VNN2: variants seen among roughly 807,000 people sequenced by gnomAD.
VNN2 encodes the protein vanin 2.
VNN2 carries 43 observed loss-of-function variants against 43.0 expected under a neutral mutation model. The ratio of observed to expected loss-of-function variants is 1.00; its 90% CI spans 0.78 to 1.29. The LOEUF (loss-of-function observed/expected upper bound fraction) is 1.29, where lower values mean the gene tolerates loss of function less well. Among genes scored for constraint, VNN2 ranks in the 50% most tolerant of loss-of-function variants. The pLI is 0.00. For missense variants in VNN2, 652 were observed against 619.7 expected (o/e 1.05, Z -0.55); for synonymous variants, 230 against 224.3 (o/e 1.03, Z -0.23).
chr6:132,752,838 G>T (rs1254506301), intron 3 of VNN2, 89 bp from the exon 4 acceptor site: 4 of 1,435,932 alleles, frequency 2.8e-6, no homozygotes, highest in Non-Finnish European at 3.8e-6. Flanking sequence ...AACAGATTTG[G>T]CTATGGTCAA....
At chr6:132,749,908 A>G (rs1035438025) in intron 5 of VNN2, 43 bp from the exon 6 acceptor site, 1 of 1,547,764 alleles carries the variant, frequency 6.5e-7, no homozygotes, top group Middle Eastern at 1.7e-4. Context: ...CCTTACATTG[A>G]AGTTACTCAT....
At chr6:132,752,281 T>C (rs1407655135) in intron 4 of VNN2, among the ~76,000 whole-genome samples, 180 bp downstream of exon 4, 1 of 152,194 alleles carries the variant, frequency 6.6e-6, no homozygotes, top group Non-Finnish European at 1.5e-5. Context: ...ATAATACACA[T>C]AAAGGTCTTA....
intron 4 of VNN2, 22 bp downstream of exon 4, chr6:132,752,439 A>G (rs1320290423): frequency 1.9e-6 from 3 of 1,599,818 alleles, no homozygotes; most frequent in East Asian, 2.2e-5. Flanking sequence ...ATAAGATGAA[A>G]CCTAACCTGG....
At position 132,751,208 on chromosome 6, in the gene VNN2, A is replaced by G. The variant is rs778604664; in HGVS notation, c.1137T>C (p.Asn379=). ...TAAAAGCTCCTAGAACGTATACTTCATTCTCTTCTTTTTGTAACATTCTGT... is the reference window on the plus strand; with the variant it reads ...TAAAAGCTCCTAGAACGTATACTTCGTTCTCTTCTTTTTGTAACATTCTGT... ...LSYRMLQKEE[N]EVYVLGAFTG... The change falls in exon 5 of 7, where the codon AAT becomes AAC. Residue 379 remains asparagine, a synonymous_variant. Transcript: ENST00000326499. The G allele has an allele frequency of 1.9e-6, 3 of 1,614,018 alleles. No individual in the cohort carries two copies. Among genetic ancestry groups the G allele is most frequent in the Admixed American group, 3.3e-5 (2 of 59,986 alleles).
chr6:132,753,026 C>T lies in VNN2; in HGVS notation c.538-277G>A, dbSNP rs1397533407. ...ATACCCCCCCATAAACCCCAAAGTC[C>T]GTAAGCTTTTTTTAAATTTAATTTA... On this transcript the variant is annotated intron_variant, in intron 3 of 6. Transcript: ENST00000326499. 2.4e-5 allele frequency: 8 copies of T among 338,200 alleles called. No individual in the cohort carries two copies. The East Asian group carries it at 2.6e-4, about 11-fold the overall frequency. 20.9% of individuals were successfully genotyped at this position (338,200 alleles called of 1,614,324 possible).
In VNN2 at chr6:132,749,734, C is replaced by T; in HGVS notation, c.1332G>A (p.Val444=). The T allele has an allele frequency of 1.2e-6, 2 of 1,613,472 alleles. No individual in the cohort carries two copies. Among genetic ancestry groups the T allele is most frequent in the Middle Eastern group, 1.7e-4 (1 of 6,054 alleles). Reference sequence around the variant, plus strand: ...GTGACAGATGAATTTCGGTAAGTAGCACTTCAGGAAAAACATACTCTGTTC... The same window carrying T: ...GTGACAGATGAATTTCGGTAAGTAGTACTTCAGGAAAAACATACTCTGTTC... ...TFGTEYVFPE[V]LLTEIHLSPG... is the part of the protein sequence containing the mutation. The change falls in exon 6 of 7, where the codon GTG becomes GTA. Residue 444 remains valine (V), a synonymous_variant. Transcript: ENST00000326499.
Position 132,752,486 on chromosome 6 carries a change from T to G in VNN2, c.801A>C (p.Thr267=). 6.2e-7 allele frequency: 1 copy of G among 1,613,994 alleles called. No individual in the cohort carries two copies. Among genetic ancestry groups the G allele is most frequent in the South Asian group, 1.1e-5 (1 of 91,068 alleles). The change falls in exon 4 of 7, where the codon ACA becomes ACC. Residue 267 remains threonine (T), a synonymous_variant. Transcript: ENST00000326499. ...CTGTCATATTTAGGCTGACATGATG[T>G]GTGTTGGCCACAAGAAGATTAACTC... ...GMGVNLLVAN[T]HHVSLNMTGS...
chr6:132,752,463 G>A lies in VNN2; in HGVS notation c.824C>T (p.Thr275Ile). 1 of 1,611,882 alleles carries A rather than the reference G, an allele frequency of 6.2e-7. No individual in the cohort carries two copies. The highest frequency in any genetic ancestry group is 8.5e-7 in the Non-Finnish European group (1 of 1,178,720). The change falls in exon 4 of 7, where the codon ACA (threonine) becomes ATA (isoleucine). Residue 275 changes from threonine to isoleucine, a missense_variant and splice_region_variant. Transcript: ENST00000326499. ...AACCTAACCTGGTCATGAATTACCT[G>A]TCATATTTAGGCTGACATGATGTGT... Reference protein sequence around the residue: ...ANTHHVSLNMTGSGIYAPNGP... With the variant: ...ANTHHVSLNMIGSGIYAPNGP...
intron 5 of VNN2, 150 bp downstream of exon 5, chr6:132,750,995 C>G: frequency 1.2e-6 from 1 of 852,782 alleles, no homozygotes; most frequent in Non-Finnish European, 1.8e-6. Flanking sequence ...CATAAATGCA[C>G]GTGTGTGTGT....
chr6:132,761,684 C>T (rs73548506), upstream of VNN2, among the ~76,000 whole-genome samples: 6,447 of 152,066 alleles, frequency 0.042, 233 homozygotes, highest in African/African-American at 0.091. Context: ...AGCAAATAAA[C>T]GAAAAACAGT....
chr6:132,752,698 C>CACTTT lies in VNN2; in HGVS notation c.588_589insAAAGT (p.Val197LysfsTer3). 6.2e-7 allele frequency: 1 copy of CACTTT among 1,614,146 alleles called. No individual in the cohort carries two copies. The highest frequency in any genetic ancestry group is 1.1e-5 in the South Asian group (1 of 91,086). ...CTTCCAAATGCGGTGTTGAAAGTCA[C>CACTTT]CAACTCCGGCTTTTCAGGGACATTA... is the stretch of plus-strand genomic sequence containing the variant. On this transcript the variant is annotated frameshift_variant, in exon 4 of 7. Transcript: ENST00000326499. LOFTEE classifies it high-confidence loss of function.
intron 3 of VNN2, chr6:132,753,620 C>G: frequency 3.4e-6 from 1 of 294,102 alleles, no homozygotes; most frequent in South Asian, 2.9e-5. Context: ...GAAAAAATAT[C>G]TAAAAAATAG....
intron 3 of VNN2, chr6:132,753,118 C>T: frequency 5.0e-6 from 1 of 200,188 alleles, no homozygotes; most frequent in Non-Finnish European, 1.0e-5. Context: ...ATGATTTCGG[C>T]TCACTGCAAT....
chr6:132,757,356 G>A (rs1486587856), intron 2 of VNN2, 60 bp downstream of exon 2: 1 of 1,524,324 alleles, frequency 6.6e-7, no homozygotes, highest in African/African-American at 1.4e-5. Flanking sequence ...ATTTTGCTTT[G>A]GTGAACGTGC....
chr6:132,751,205 T>G lies in VNN2; in HGVS notation c.1140A>C (p.Glu380Asp). Residue 380 changes from glutamate to aspartate, a missense_variant, in exon 5 of 7, where the codon GAA (glutamate) becomes GAC (aspartate). By Grantham distance (45) the Glu-to-Asp change is conservative. Transcript: ENST00000326499. The stretch of plus-strand genomic sequence containing the variant: ...CTGTAAAAGCTCCTAGAACGTATAC[T>G]TCATTCTCTTCTTTTTGTAACATTC... ...SYRMLQKEEN[E>D]VYVLGAFTGL... 1.2e-6 allele frequency: 2 copies of G among 1,614,160 alleles called. No homozygotes were observed. Among genetic ancestry groups the G allele is most frequent in the Non-Finnish European group, 1.7e-6 (2 of 1,180,026 alleles).
At chr6:132,748,469 T>C (rs1779855040) in intron 6 of VNN2, among the ~76,000 whole-genome samples, 1 of 152,218 alleles carries the variant, frequency 6.6e-6, no homozygotes, top group Admixed American at 6.5e-5. Context: ...ACACAGCAGA[T>C]ACAGATACAT....
chr6:132,761,447 G>A (rs1780737002), upstream of VNN2, among the ~76,000 whole-genome samples: 1 of 151,448 alleles, frequency 6.6e-6, no homozygotes. Context: ...ATTATTTGAG[G>A]TCAGGAGTTC....
chr6:132,748,154 T>C (rs1465543845), intron 6 of VNN2, among the ~76,000 whole-genome samples: 1 of 152,232 alleles, frequency 6.6e-6, no homozygotes, highest in East Asian at 1.9e-4. Context: ...TTGGTGACCC[T>C]GATTTCTCTC....
chr6:132,755,668 C>A (rs1247459036), intron 3 of VNN2, among the ~76,000 whole-genome samples, 175 bp downstream of exon 3: 1 of 152,080 alleles, frequency 6.6e-6, no homozygotes, highest in African/African-American at 2.4e-5. Context: ...AGCCTCCACG[C>A]CCAGCCAAAA....
Sources: gnomAD v4.1 joint callset for allele counts (sites outside exome capture counted in the v4.1 genomes callset) on GRCh38, gnomAD v4.1.1 for gene constraint, MANE v1.5 for transcripts, NCBI Gene and HGNC (gene_info 2026-07-23, HGNC 2026-07-21) for gene names.